Variants in MTOR observed in about 807,000 individuals in gnomAD.
MTOR encodes serine/threonine-protein kinase mTOR.
A neutral mutation model predicts 319.8 loss-of-function variants in MTOR; 70 were observed. The observed-to-expected ratio is 0.22, with a 90% CI of 0.18 to 0.27. The LOEUF (loss-of-function observed/expected upper bound fraction) is 0.27, where lower values mean the gene tolerates loss of function less well. Ranked by LOEUF, MTOR falls within the 10% of genes least tolerant of loss-of-function variation. MTOR has a pLI of 1.00. For missense variants in MTOR, 1,890 were observed against 3,274.4 expected, an observed-to-expected ratio of 0.58 and a Z score of 10.32; for synonymous variants, 1,183 against 1,211.4, an observed-to-expected ratio of 0.98 and a Z score of 0.49.
chr1:11,133,305 AT>A lies in MTOR; in HGVS notation c.5247-109del. On this transcript the variant is annotated intron_variant, in intron 37 of 57. Transcript: ENST00000361445. This position sits in a 1 kb window ranked among gnomAD's most constrained non-coding sequence, Gnocchi z 4.0. ...TGAAGCCCTTCTGGTATTTCCTCTT[AT>A]TCTCAAGAGGCAATGTGAAGGAGCT... is the stretch of plus-strand genomic sequence containing the variant. The A allele has an allele frequency of 1.0e-6, 1 of 986,678 alleles. No homozygotes were observed. The highest frequency in any genetic ancestry group is 1.5e-5 in the South Asian group (1 of 68,922). 61.1% of individuals were successfully genotyped at this position (986,678 alleles called of 1,614,324 possible). A position where few individuals can be genotyped will look rare whatever the true frequency, so the allele number is the denominator to read the frequency against.
In MTOR at chr1:11,128,232, C is replaced by A. The variant is rs2100416143; in HGVS notation, c.5911-106G>T. ...AAACAAGTGGTGAGTGTGACATTAA[C>A]ATCTGCTTGAGACTACCAGGAAGGG... On this transcript the variant is annotated intron_variant, in intron 42 of 57. Transcript: ENST00000361445. This position sits in a 1 kb window ranked among gnomAD's most constrained non-coding sequence, Gnocchi z 5.3. 1 of 1,488,822 alleles carries A rather than the reference C, an allele frequency of 6.7e-7. No homozygotes were observed. The allele number at this position is 1,488,822 out of a possible 1,614,324, so 92.2% of individuals were successfully genotyped here.
intron 29 of MTOR, among the ~76,000 whole-genome samples, chr1:11,157,930 A>T (rs1178886090): frequency 1.3e-5 from 2 of 152,172 alleles, no homozygotes; most frequent in Non-Finnish European, 2.9e-5. Context: ...AGAGTCTCCC[A>T]TCCAATGTTC....
intron 26 of MTOR, among the ~76,000 whole-genome samples, chr1:11,204,143 C>T (rs1000357970): frequency 5.3e-5 from 8 of 152,174 alleles, no homozygotes; most frequent in African/African-American, 1.4e-4. Flanking sequence ...GGAGCAGAGG[C>T]GAGCTGTCCC....
At chr1:11,234,112 G>C (rs1041768989) in intron 14 of MTOR, 31 bp downstream of exon 14, 42 of 1,613,976 alleles carry the variant, frequency 2.6e-5, no homozygotes, top group Non-Finnish European at 3.6e-5. Context: ...ACAACGCACA[G>C]AGAAAGCACC....
chr1:11,127,371 C>T lies in MTOR; in HGVS notation c.6217-227G>A, dbSNP rs1642891998. On this transcript the variant is annotated intron_variant, in intron 44 of 57. Coordinates refer to ENST00000361445, the MANE Select transcript of MTOR (RefSeq NM_004958.4). This position sits in a 1 kb window ranked among gnomAD's most constrained non-coding sequence, Gnocchi z 5.5. The stretch of plus-strand genomic sequence containing the variant: ...AAGGGTGAGAGGAGAGACGAGATGA[C>T]CTCTTGAGAAATCTTGGGCTTTTCC... Among the ~76,000 whole-genome samples, 1 of 152,128 alleles carries T rather than the reference C, an allele frequency of 6.6e-6. No individual in the cohort carries two copies. The highest frequency in any genetic ancestry group is 1.5e-5 in the Non-Finnish European group (1 of 68,034).
At chr1:11,141,743 T>C (rs1463806103) in intron 34 of MTOR, among the ~76,000 whole-genome samples, 3 of 148,420 alleles carry the variant, frequency 2.0e-5, no homozygotes, top group Non-Finnish European at 4.5e-5. Context: ...TCCCAGCACT[T>C]TGGGAGGCTG....
chr1:11,221,804 T>C (rs1569633564), intron 19 of MTOR, among the ~76,000 whole-genome samples: 1 of 150,020 alleles, frequency 6.7e-6, no homozygotes, highest in African/African-American at 2.4e-5. Context: ...CATATATATA[T>C]GTATCTTTCT....
intron 28 of MTOR, chr1:11,189,482 CG>C: frequency 7.2e-7 from 1 of 1,391,534 alleles, no homozygotes. Flanking sequence ...AGAGTGAAAG[CG>C]TAAGGTTCAG....
rs1400687647 is a variant in MTOR at position 11,212,749 on chromosome 1, A to G, written c.3398+47T>C. The G allele has an allele frequency of 6.7e-7, 1 of 1,487,996 alleles. No individual in the cohort carries two copies. The highest frequency in any genetic ancestry group is 9.3e-7 in the Non-Finnish European group (1 of 1,071,992). 92.2% of individuals were successfully genotyped at this position (1,487,996 alleles called of 1,614,324 possible). A position where few individuals can be genotyped will look rare whatever the true frequency, so the allele number is the denominator to read the frequency against. ...ACTTAAGAAATGAACATTTTCAACA[A>G]AACATTAAAGCTTAAAGATTGCTAG... On this transcript the variant is annotated intron_variant, in intron 22 of 57. Coordinates refer to ENST00000361445, the MANE Select transcript of MTOR (RefSeq NM_004958.4). This position sits in a 1 kb window ranked among gnomAD's most constrained non-coding sequence, Gnocchi z 4.1.
Position 11,109,736 on chromosome 1 carries a change from G to GAAA in MTOR, c.7367-10_7367-8dup. 1 of 1,613,322 alleles carries GAAA rather than the reference G, an allele frequency of 6.2e-7. No homozygotes were observed. Among genetic ancestry groups the GAAA allele is most frequent in the African/African-American group, 1.3e-5 (1 of 75,002 alleles). On this transcript the variant is annotated splice_region_variant and splice_polypyrimidine_tract_variant and intron_variant, in intron 54 of 57. Transcript: ENST00000361445. This position sits in a 1 kb window ranked among gnomAD's most constrained non-coding sequence, Gnocchi z 4.0. ...TCCACACCGTCCAAAATTTCTATGG[G>GAAA]AAAAGAAATCAATTAACAGAAAATT...
rs1175128548 is a variant in MTOR at position 11,129,097 on chromosome 1, T to TGTCTGTGATGGGTG, written c.5715-160_5715-147dup. 2.5e-5 allele frequency: 16 copies of TGTCTGTGATGGGTG among 652,320 alleles called. No homozygotes were observed. The highest frequency in any genetic ancestry group is 2.5e-4 in the Middle Eastern group (1 of 3,990). 40.4% of individuals were successfully genotyped at this position (652,320 alleles called of 1,614,324 possible). ...GTGTTTGGCCTCCCATGGGAGCAGGTGTCTGTGATGGGTGGCAGTGCTCTT... is the reference window on the plus strand; with the variant it reads ...GTGTTTGGCCTCCCATGGGAGCAGGTGTCTGTGATGGGTGGTCTGTGATGGGTGGCAGTGCTCTT... On this transcript the variant is annotated intron_variant, in intron 40 of 57. Transcript: ENST00000361445. The surrounding 1 kb of genome is among the most constrained non-coding windows in gnomAD (Gnocchi z 4.7).
At chr1:11,209,541 G>T in intron 24 of MTOR, 83 bp from the exon 25 acceptor site, 1 of 1,522,080 alleles carries the variant, frequency 6.6e-7, no homozygotes, top group Non-Finnish European at 9.0e-7. Flanking sequence ...TTTGGGAGGT[G>T]CAGACCTGGT....
rs149299323 is a variant in MTOR at position 11,118,515 on chromosome 1, G to A, written c.6934-1429C>T. ...CTCCTAAAGTGCTGGGATTACAGGCGTGAACCACCGTGCCTGGTCTTGTTT... is the reference window on the plus strand; with the variant it reads ...CTCCTAAAGTGCTGGGATTACAGGCATGAACCACCGTGCCTGGTCTTGTTT... On this transcript the variant is annotated intron_variant, in intron 49 of 57. Coordinates refer to ENST00000361445, the MANE Select transcript of MTOR (RefSeq NM_004958.4). Among the ~76,000 whole-genome samples, 631 of 151,256 alleles carry A rather than the reference G, an allele frequency of 4.2e-3. 3 individuals are homozygous for A. The highest frequency in any genetic ancestry group is 6.5e-3 in the Admixed American group (98 of 15,174).
Position 11,139,309 on chromosome 1 carries a change from G to A in MTOR, c.5125C>T (p.Arg1709Cys), listed in dbSNP as rs1338933358. 3 of 1,604,904 alleles carry A rather than the reference G, an allele frequency of 1.9e-6. No homozygotes were observed. Among genetic ancestry groups the A allele is most frequent in the South Asian group, 1.1e-5 (1 of 89,988 alleles). ...AYMKNMWKSARKIDAFQHMQH... is the reference protein window; with the variant it reads ...AYMKNMWKSACKIDAFQHMQH... ...GGATGCATTGGGATACAGACCTTGC[G>A]GGCACTCTTCCACATGTTTTTCATG... Residue 1709 changes from arginine to cysteine, a missense_variant, in exon 36 of 58, where the codon CGC (arginine) becomes TGC (cysteine). Physicochemically the swap from Arg to Cys is radical, Grantham distance 180. This residue lies in a region of MTOR where 276 missense variants were observed against 459.4 expected (regional missense o/e 0.60). Coordinates refer to ENST00000361445, the MANE Select transcript of MTOR (RefSeq NM_004958.4).
intron 28 of MTOR, among the ~76,000 whole-genome samples, chr1:11,196,510 G>C (rs1026443700): frequency 2.6e-5 from 4 of 152,150 alleles, no homozygotes; most frequent in Admixed American, 6.5e-5. Flanking sequence ...TGAACTAGTA[G>C]CAAGAGAACA....
At chr1:11,193,009 G>A (rs1645610947) in intron 28 of MTOR, among the ~76,000 whole-genome samples, 1 of 151,914 alleles carries the variant, frequency 6.6e-6, no homozygotes, top group South Asian at 2.1e-4. Context: ...CACGAAGGCA[G>A]CATCAAATTA....
At chr1:11,253,758 A>T (rs958931846) in intron 6 of MTOR, 81 bp downstream of exon 6, 5 of 1,502,274 alleles carry the variant, frequency 3.3e-6, no homozygotes, top group East Asian at 4.5e-5. Context: ...TGTCAGCTCC[A>T]TGAGGACATG....
At chr1:11,243,669 G>A (rs1311823824) in intron 8 of MTOR, among the ~76,000 whole-genome samples, 8 of 149,424 alleles carry the variant, frequency 5.4e-5, no homozygotes, top group African/African-American at 1.7e-4. Flanking sequence ...TCAAGCCTGA[G>A]TGACAAAGAG....
At chr1:11,246,760 G>C (rs1648885415) in intron 8 of MTOR, among the ~76,000 whole-genome samples, 1 of 152,238 alleles carries the variant, frequency 6.6e-6, no homozygotes, top group Non-Finnish European at 1.5e-5. Flanking sequence ...AGATGTTCAA[G>C]ACTGGGTGCC....
Sources: gnomAD v4.1 joint callset for allele counts (sites outside exome capture counted in the v4.1 genomes callset) on GRCh38, gnomAD v4.1.1 for gene constraint, gnomAD v4.1.1 regional missense constraint, Gnocchi (gnomAD v3.1) non-coding constraint, MANE v1.5 for transcripts, NCBI Gene and HGNC (gene_info 2026-07-23, HGNC 2026-07-21) for gene names.